The following UGT1A10 variants were observed in gnomAD, a reference collection of about 807,000 sequenced individuals.
UGT1A10 encodes the protein UDP glucuronosyltransferase family 1 member A10, also known as UDP-glucuronosyltransferase 1A10.
Under a neutral mutation model 45.8 loss-of-function variants are expected in UGT1A10, and 49 were observed. The observed-to-expected ratio is 1.07, with a 90% CI of 0.85 to 1.36. The LOEUF is 1.36. Among genes scored for constraint, UGT1A10 ranks in the 40% most tolerant of loss-of-function variants. The pLI, the probability that UGT1A10 is intolerant of heterozygous loss-of-function variation, is 0.00. For synonymous variants in UGT1A10, 284 were observed against 249.7 expected, an observed-to-expected ratio of 1.14 and a Z score of -1.29; for missense variants, 745 against 668.6, an observed-to-expected ratio of 1.11 and a Z score of -1.26.
intron 1 of UGT1A10, among the ~76,000 whole-genome samples, chr2:233,640,588 G>A (rs2073424988): frequency 6.6e-6 from 1 of 152,116 alleles, no homozygotes. Flanking sequence ...GGTCAATTGA[G>A]TAAGTTCCAA....
chr2:233,746,953 T>A (rs984665888), intron 1 of UGT1A10, among the ~76,000 whole-genome samples: 1 of 151,790 alleles, frequency 6.6e-6, no homozygotes, highest in Non-Finnish European at 1.5e-5. Context: ...AACAAGAGCT[T>A]GAACTTGGAT....
At chr2:233,760,294 G>A (rs1697387669) in intron 1 of UGT1A10, 1 of 1,613,420 alleles carries the variant, frequency 6.2e-7, no homozygotes, top group East Asian at 2.2e-5. Context: ...CGCCATGGCT[G>A]TGGAGTCCCA....
intron 1 of UGT1A10, among the ~76,000 whole-genome samples, chr2:233,758,201 G>A (rs1696819770): frequency 6.6e-6 from 1 of 152,182 alleles, no homozygotes; most frequent in African/African-American, 2.4e-5. Flanking sequence ...GCTTAGTAGT[G>A]GTTCTCTGTT....
At chr2:233,700,848 A>C (rs1341869131) in intron 1 of UGT1A10, among the ~76,000 whole-genome samples, 1 of 151,952 alleles carries the variant, frequency 6.6e-6, no homozygotes, top group Non-Finnish European at 1.5e-5. Context: ...CATTAGGTAT[A>C]TCTCCTAATG....
chr2:233,646,013 C>T (rs2073592900), intron 1 of UGT1A10, among the ~76,000 whole-genome samples: 1 of 152,234 alleles, frequency 6.6e-6, no homozygotes, highest in Non-Finnish European at 1.5e-5. Context: ...CCAGGCATAT[C>T]CATACAGCCT....
chr2:233,682,045 C>T (rs376446155), intron 1 of UGT1A10: 11 of 1,613,974 alleles, frequency 6.8e-6, no homozygotes, highest in Non-Finnish European at 8.5e-6. Flanking sequence ...TGGATGGGAG[C>T]CACTGGTTCA....
Position 233,697,029 on chromosome 2 carries a change from G to A in UGT1A10, c.855+59652G>A, listed in dbSNP as rs561369376. ...CTATGTTCGTCAGAGATATGGGCCC[G>A]CAGTTTTCTTTTTTTTTGTTGTGTC... On this transcript the variant is annotated intron_variant, in intron 1 of 4. Transcript: ENST00000344644. 2.5e-4 allele frequency among the ~76,000 whole-genome samples: 38 copies of A among 152,092 alleles called. No homozygotes were observed. In the South Asian group the frequency reaches 7.3e-3, roughly 29 times the overall value.
intron 1 of UGT1A10, chr2:233,729,751 C>G (rs1485305910): frequency 6.2e-7 from 1 of 1,614,002 alleles, no homozygotes; most frequent in Middle Eastern, 1.7e-4. Flanking sequence ...GACATTCATG[C>G]AAAGGGTCAA....
intron 1 of UGT1A10, among the ~76,000 whole-genome samples, chr2:233,758,016 C>T (rs917731402): frequency 6.6e-6 from 1 of 152,144 alleles, no homozygotes; most frequent in African/African-American, 2.4e-5. Context: ...GAGTTTGTCT[C>T]TGTCTACCTG....
Position 233,772,730 on chromosome 2 carries a change from C to A in UGT1A10, c.*171C>A. Reference sequence around the variant, plus strand: ...CTCTTAAATAAAAATAATAGACTCGCTAGTCAGTAAAGATATTTGAATATG... The same window carrying A: ...CTCTTAAATAAAAATAATAGACTCGATAGTCAGTAAAGATATTTGAATATG... On this transcript the variant is annotated 3_prime_UTR_variant, in exon 5 of 5. Transcript: ENST00000344644. 1 of 1,445,162 alleles carries A rather than the reference C, an allele frequency of 6.9e-7. No homozygotes were observed. The highest frequency in any genetic ancestry group is 9.1e-7 in the Non-Finnish European group (1 of 1,100,576). The allele number at this position is 1,445,162 out of a possible 1,614,324, so 89.5% of individuals were successfully genotyped here.
At position 233,747,349 on chromosome 2, in the gene UGT1A10, A is replaced by C. The variant is rs546536456; in HGVS notation, c.856-19685A>C. ...TGGCAGCCACTGGCTCGCATGCGGG[A>C]GGCCGTGCGGGAGCTCCATGCCAGA... On this transcript the variant is annotated intron_variant, in intron 1 of 4. Transcript: ENST00000344644. The C allele has an allele frequency of 4.2e-5, 68 of 1,603,008 alleles. 1 individual carries two copies. The South Asian group carries it at 6.8e-4, about 16-fold the overall frequency.
chr2:233,733,746 G>A (rs1211480286), intron 1 of UGT1A10, among the ~76,000 whole-genome samples: 2 of 152,164 alleles, frequency 1.3e-5, no homozygotes, highest in Admixed American at 6.5e-5. Context: ...TGTTCATCAG[G>A]GATATTTGTC....
intron 1 of UGT1A10, among the ~76,000 whole-genome samples, chr2:233,686,574 G>C (rs1214376741): frequency 6.6e-6 from 1 of 152,022 alleles, no homozygotes; most frequent in Non-Finnish European, 1.5e-5. Flanking sequence ...TCAGAAGTTA[G>C]TGTGGATTAC....
chr2:233,638,747 T>G (rs1246746862), intron 1 of UGT1A10, among the ~76,000 whole-genome samples: 4 of 152,226 alleles, frequency 2.6e-5, no homozygotes, highest in Non-Finnish European at 5.9e-5. Flanking sequence ...CACAGTTATA[T>G]CTGTCATTGG....
chr2:233,727,556 C>T (rs2077628647), intron 1 of UGT1A10, among the ~76,000 whole-genome samples: 1 of 152,116 alleles, frequency 6.6e-6, no homozygotes, highest in Non-Finnish European at 1.5e-5. Context: ...CACCTGGGCT[C>T]ATCATGAGGG....
chr2:233,699,011 G>A (rs924046533), intron 1 of UGT1A10, among the ~76,000 whole-genome samples: 2 of 152,200 alleles, frequency 1.3e-5, no homozygotes, highest in Admixed American at 6.5e-5. Context: ...AAGAACATGA[G>A]AGGCTGAGCC....
chr2:233,707,949 C>G (rs530290982), intron 1 of UGT1A10, among the ~76,000 whole-genome samples: 9 of 152,206 alleles, frequency 5.9e-5, no homozygotes, highest in Non-Finnish European at 1.0e-4. Flanking sequence ...TTTGGATTTC[C>G]TCTTTTGCCC....
rs1228021328 is a variant in UGT1A10, at chr2:233,772,590, A to G, written c.*31A>G. The G allele has an allele frequency of 2.5e-6, 4 of 1,602,300 alleles. No homozygotes were observed. Among genetic ancestry groups the G allele is most frequent in the Non-Finnish European group, 2.6e-6 (3 of 1,173,678 alleles). ...GGGTGGGAAATAAGGTAAAATTTTG[A>G]ACCATTCCCTAGTCATTTCCAAACT... is the stretch of plus-strand genomic sequence containing the variant. On this transcript the variant is annotated 3_prime_UTR_variant, in exon 5 of 5. Transcript: ENST00000344644.
chr2:233,708,590 G>A (rs7572563), intron 1 of UGT1A10: 87,007 of 151,994 alleles, frequency 0.57, 26,864 homozygotes, highest in African/African-American at 0.82. Flanking sequence ...CTTCACTACA[G>A]AAAGTAAAAA....
Sources: gnomAD v4.1 joint callset for allele counts (sites outside exome capture counted in the v4.1 genomes callset) on GRCh38, gnomAD v4.1.1 for gene constraint, MANE v1.5 for transcripts, NCBI Gene and HGNC (gene_info 2026-07-23, HGNC 2026-07-21) for gene names.